The following INPP5A variants were observed in gnomAD, a reference collection of about 807,000 sequenced individuals.
INPP5A encodes 43 kDa inositol polyphosphate 5-phophatase.
In INPP5A, 14 loss-of-function variants were observed where a neutral mutation model predicts 65.2. That is an observed-to-expected ratio of 0.21 (90% CI 0.14 to 0.34). The LOEUF is 0.34. Ranked by LOEUF, INPP5A falls within the 10% of genes least tolerant of loss-of-function variation. INPP5A has a pLI of 1.00. For synonymous variants in INPP5A, 207 were observed against 208.3 expected (o/e 0.99, Z 0.05); for missense variants, 431 against 545.6 (o/e 0.79, Z 2.09).
At chr10:132,646,070 G>T in intron 3 of INPP5A, 102 bp downstream of exon 3, 1 of 747,512 alleles carries the variant, frequency 1.3e-6, no homozygotes, top group South Asian at 1.6e-5. Context: ...TCACCATTCG[G>T]GACTCACCTG....
At chr10:132,572,525 G>A (rs1260288693) in intron 1 of INPP5A, among the ~76,000 whole-genome samples, 6 of 152,002 alleles carry the variant, frequency 3.9e-5, no homozygotes, top group Non-Finnish European at 7.4e-5. Context: ...GGATGCTGAG[G>A]CTGCCCAGGG....
chr10:132,689,141 A>G (rs1564965830), intron 4 of INPP5A, among the ~76,000 whole-genome samples: 1 of 152,230 alleles, frequency 6.6e-6, no homozygotes, highest in Non-Finnish European at 1.5e-5. Flanking sequence ...TGTGTTGCCC[A>G]CAGGCTCACA....
intron 12 of INPP5A, among the ~76,000 whole-genome samples, chr10:132,768,667 C>T (rs182761541): frequency 8.5e-4 from 129 of 152,364 alleles, no homozygotes; most frequent in African/African-American, 2.7e-3. Context: ...GTCCTTGCCA[C>T]GGCCTGGCCC....
chr10:132,644,429 G>A lies in INPP5A; in HGVS notation c.118-1439G>A, dbSNP rs1276980399. Among the ~76,000 whole-genome samples the A allele has an allele frequency of 6.6e-6, 1 of 152,232 alleles. No homozygotes were observed. Among genetic ancestry groups the A allele is most frequent in the Non-Finnish European group, 1.5e-5 (1 of 68,034 alleles). ...CAGACAGGGCCTGTCCGCCGGGCTT[G>A]GTTGGAACCATTTCTGTCTCCCCAG... On this transcript the variant is annotated intron_variant, in intron 2 of 15. Coordinates refer to ENST00000368594, the MANE Select transcript of INPP5A (RefSeq NM_005539.5). The surrounding 1 kb of genome is among the most constrained non-coding windows in gnomAD (Gnocchi z 6.5).
Position 132,575,273 on chromosome 10 carries a change from C to T in INPP5A, c.76-32642C>T, listed in dbSNP as rs1051429135. Among the ~76,000 whole-genome samples, 6 of 152,172 alleles carry T rather than the reference C, an allele frequency of 3.9e-5. No individual in the cohort carries two copies. The highest frequency in any genetic ancestry group is 7.4e-5 in the Non-Finnish European group (5 of 68,026). Reference sequence around the variant, plus strand: ...TGTCTGCCTGCTTTTGGCATTTGGACGACACCTGGTTTCTGCCTGAGGGAG... The same window carrying T: ...TGTCTGCCTGCTTTTGGCATTTGGATGACACCTGGTTTCTGCCTGAGGGAG... On this transcript the variant is annotated intron_variant, in intron 1 of 15. Coordinates refer to ENST00000368594, the MANE Select transcript of INPP5A (RefSeq NM_005539.5). The surrounding 1 kb of genome is among the most constrained non-coding windows in gnomAD (Gnocchi z 5.4).
chr10:132,742,877 G>A (rs1032005428), intron 9 of INPP5A, among the ~76,000 whole-genome samples: 14 of 152,182 alleles, frequency 9.2e-5, no homozygotes, highest in Non-Finnish European at 1.5e-4. Flanking sequence ...TGAAGGCATT[G>A]TTTTTAAGAC....
At chr10:132,752,796 A>G (rs1248898932) in intron 11 of INPP5A, among the ~76,000 whole-genome samples, 1 of 152,084 alleles carries the variant, frequency 6.6e-6, no homozygotes, top group Admixed American at 6.5e-5. Context: ...TTCTCTCAGC[A>G]TTTTGACACA....
chr10:132,724,289 A>G (rs997510416), intron 8 of INPP5A, among the ~76,000 whole-genome samples: 1 of 152,244 alleles, frequency 6.6e-6, no homozygotes, highest in Admixed American at 6.5e-5. Context: ...GTGCCGATCA[A>G]TTGACCGTCC....
intron 2 of INPP5A, 131 bp from the exon 3 acceptor site, chr10:132,645,737 C>T (rs979089538): frequency 9.7e-6 from 6 of 621,236 alleles, no homozygotes; most frequent in South Asian, 3.7e-5. Context: ...AACCCATGGT[C>T]GCAGACATGG....
At chr10:132,756,920 C>T (rs965067522) in intron 11 of INPP5A, among the ~76,000 whole-genome samples, 2 of 152,048 alleles carry the variant, frequency 1.3e-5, no homozygotes, top group African/African-American at 2.4e-5. Context: ...ATGTCTGTGT[C>T]GTTGTCTTCA....
In INPP5A at chr10:132,697,803, T is replaced by C. The variant is rs1194545097; in HGVS notation, c.371-13T>C. 3 of 1,572,772 alleles carry C rather than the reference T, an allele frequency of 1.9e-6. No individual in the cohort carries two copies. Among genetic ancestry groups the C allele is most frequent in the African/African-American group, 2.7e-5 (2 of 73,968 alleles). ...TGATGGGATAGTCACCTCGTCCTTC[T>C]GGTCTCTTCCAGCTAAGAAGTATAG... On this transcript the variant is annotated splice_polypyrimidine_tract_variant and intron_variant, in intron 5 of 15. Transcript: ENST00000368594. This position sits in a 1 kb window ranked among gnomAD's most constrained non-coding sequence, Gnocchi z 5.6.
rs1343912163 is a variant in INPP5A, at chr10:132,644,687, G to C, written c.118-1181G>C. Among the ~76,000 whole-genome samples, 1 of 152,246 alleles carries C rather than the reference G, an allele frequency of 6.6e-6. No homozygotes were observed. ...TCGTCCTTTTGGGCCCTCAGTGGCT[G>C]TTGTAGCACCACCACCCCGGCACCA... is the stretch of plus-strand genomic sequence containing the variant. On this transcript the variant is annotated intron_variant, in intron 2 of 15. Transcript: ENST00000368594. The surrounding 1 kb of genome is among the most constrained non-coding windows in gnomAD (Gnocchi z 6.5).
In INPP5A at chr10:132,616,701, G is replaced by A. The variant is rs548449332; in HGVS notation, c.117+8745G>A. Among the ~76,000 whole-genome samples, 80 of 151,890 alleles carry A rather than the reference G, an allele frequency of 5.3e-4. No homozygotes were observed. The highest frequency in any genetic ancestry group is 1.0e-3 in the Non-Finnish European group (69 of 67,916). On this transcript the variant is annotated intron_variant, in intron 2 of 15. Coordinates refer to ENST00000368594, the MANE Select transcript of INPP5A (RefSeq NM_005539.5). The surrounding 1 kb of genome is among the most constrained non-coding windows in gnomAD (Gnocchi z 4.9). ...GATGGAGGTGGTGTGGTAATGTGGCGTGGAGGATGCAGTGTGGGGGACATG... is the reference window on the plus strand; with the variant it reads ...GATGGAGGTGGTGTGGTAATGTGGCATGGAGGATGCAGTGTGGGGGACATG...
intron 4 of INPP5A, among the ~76,000 whole-genome samples, chr10:132,657,530 C>G (rs1273309359): frequency 6.6e-6 from 1 of 152,200 alleles, no homozygotes; most frequent in Non-Finnish European, 1.5e-5. Flanking sequence ...TCGGCATGGC[C>G]CCCAGGCAGT....
Position 132,584,880 on chromosome 10 carries a change from A to C in INPP5A, c.76-23035A>C, listed in dbSNP as rs561548586. ...CCCAAGTAGATGGGACTATAGGCACAAGCCTGGTTAAGCTTTTAATTTTTT... is the reference window on the plus strand; with the variant it reads ...CCCAAGTAGATGGGACTATAGGCACCAGCCTGGTTAAGCTTTTAATTTTTT... On this transcript the variant is annotated intron_variant, in intron 1 of 15. Coordinates refer to ENST00000368594, the MANE Select transcript of INPP5A (RefSeq NM_005539.5). Among the ~76,000 whole-genome samples, 4 of 152,254 alleles carry C rather than the reference A, an allele frequency of 2.6e-5. No individual in the cohort carries two copies. In the South Asian group the frequency reaches 8.3e-4, roughly 32 times the overall value.
At chr10:132,574,316 T>G (rs28582858) in intron 1 of INPP5A, among the ~76,000 whole-genome samples, 1,455 of 109,132 alleles carry the variant, frequency 0.013, 16 homozygotes, top group South Asian at 0.031. Context: ...AGATTTTGGG[T>G]TGTACGTGCC....
At chr10:132,738,922 C>T (rs1846225644) in intron 9 of INPP5A, among the ~76,000 whole-genome samples, 1 of 152,230 alleles carries the variant, frequency 6.6e-6, no homozygotes, top group Non-Finnish European at 1.5e-5. Flanking sequence ...GCTCCAGGGC[C>T]TCACGGTGGG....
chr10:132,777,852 T>C (rs762513441), intron 13 of INPP5A, 70 bp downstream of exon 13: 1 of 1,573,112 alleles, frequency 6.4e-7, no homozygotes, highest in Non-Finnish European at 8.6e-7. Context: ...GGCCCAGCCC[T>C]GGTGACAGGG....
intron 1 of INPP5A, among the ~76,000 whole-genome samples, chr10:132,556,541 A>G (rs892307177): frequency 3.3e-5 from 5 of 152,178 alleles, no homozygotes; most frequent in African/African-American, 1.2e-4. Context: ...TGTACACACC[A>G]TACACATGCA....
Sources: allele counts gnomAD v4.1 joint callset (sites outside exome capture counted in the v4.1 genomes callset), GRCh38; gene constraint gnomAD v4.1.1; non-coding constraint Gnocchi (gnomAD v3.1); transcripts MANE v1.5; gene names NCBI Gene and HGNC (gene_info 2026-07-23, HGNC 2026-07-21).